IL17REL: variants seen among roughly 807,000 people sequenced by gnomAD.
IL17REL encodes interleukin 17 receptor E like.
A neutral mutation model predicts 49.0 loss-of-function variants in IL17REL; 36 were observed. The observed-to-expected ratio is 0.73, with a 90% confidence interval of 0.56 to 0.97. The LOEUF is 0.97. IL17REL is among the 50% of genes least tolerant of loss of function. IL17REL has a pLI of 0.00. For missense variants in IL17REL, 470 were observed against 453.9 expected (o/e 1.04, Z -0.32); for synonymous variants, 206 against 192.4 (o/e 1.07, Z -0.58).
chr22:50,010,181 C>T (rs982347996), upstream of IL17REL, among the ~76,000 whole-genome samples: 2 of 152,246 alleles, frequency 1.3e-5, no homozygotes, highest in Non-Finnish European at 2.9e-5. Flanking sequence ...CGAAACCCGC[C>T]GCCCGTGGGC....
intron 1 of IL17REL, among the ~76,000 whole-genome samples, chr22:50,007,432 G>A (rs2061115982): frequency 6.6e-6 from 1 of 152,140 alleles, no homozygotes; most frequent in South Asian, 2.1e-4. Flanking sequence ...GTGCAATGGT[G>A]CAATCTTGGC....
At position 49,996,777 on chromosome 22, in the gene IL17REL, G is replaced by T. The variant is rs1049202701; in HGVS notation, c.*128C>A. 3 of 493,740 alleles carry T rather than the reference G, an allele frequency of 6.1e-6. No individual in the cohort carries two copies. In the South Asian group the frequency reaches 9.3e-5, roughly 15 times the overall value. The allele number at this position is 493,740 out of a possible 1,614,324, so 30.6% of individuals were successfully genotyped here. A position where few individuals can be genotyped will look rare whatever the true frequency, so the allele number is the denominator to read the frequency against. On this transcript the variant is annotated 3_prime_UTR_variant, in exon 13 of 13. Coordinates refer to ENST00000341280, the Ensembl canonical transcript of IL17REL. ...GCCTAGGTCTAGTCCTCGGCCTCCT[G>T]CGGCCCCTGAGAGATGGGCACCCAC...
At chr22:50,008,437 G>C (rs570220157) in intron 1 of IL17REL, among the ~76,000 whole-genome samples, 200 bp downstream of exon 2, 2 of 152,312 alleles carry the variant, frequency 1.3e-5, no homozygotes, top group South Asian at 4.1e-4. Context: ...CTGGCCAGGA[G>C]CCAGGGTGGC....
downstream of IL17REL, among the ~76,000 whole-genome samples, chr22:49,994,252 G>GTA (rs1039687643): frequency 6.6e-6 from 1 of 152,082 alleles, no homozygotes; most frequent in Non-Finnish European, 1.5e-5. Context: ...CATCCCCAGG[G>GTA]TGTCTCCACC....
chr22:49,992,248 C>A (rs1276291846), downstream of IL17REL, among the ~76,000 whole-genome samples: 2 of 152,144 alleles, frequency 1.3e-5, no homozygotes, highest in East Asian at 3.9e-4. Context: ...TGCCAGGACA[C>A]CCCGAAGGCC....
rs1272435035 is a variant in IL17REL, at chr22:49,997,205, A to G, written c.974+115T>C. 2.9e-6 allele frequency: 4 copies of G among 1,389,416 alleles called. No individual in the cohort carries two copies. The East Asian group carries it at 9.9e-5, about 34-fold the overall frequency. 86.1% of individuals were successfully genotyped at this position (1,389,416 alleles called of 1,614,324 possible). ...CCCATCCCTCCCTGCCAGGTAGACT[A>G]GACCCTGGGTGGGCTCAGGGCCCGG... On this transcript the variant is annotated intron_variant, in intron 11 of 12. Transcript: ENST00000341280.
At position 50,001,156 on chromosome 22, in the gene IL17REL, G is replaced by A. The variant is rs140751420; in HGVS notation, c.35C>T (p.Ser12Phe). The change falls in exon 2 of 13, where the codon TCC (serine) becomes TTC (phenylalanine). Residue 12 changes from serine to phenylalanine, a missense_variant. Ser to Phe is a radical substitution (Grantham distance 155). Transcript: ENST00000341280. ...AGAGGGGACACACTGCATGGCAGTG[G>A]AGGACGTCAGGGCCTCCAGGACTGA... 1.4e-5 allele frequency: 22 copies of A among 1,606,474 alleles called. No homozygotes were observed. In the African/African-American group the frequency reaches 2.9e-4, roughly 21 times the overall value.
At chr22:50,002,997 C>T (rs2146751926) in intron 1 of IL17REL, among the ~76,000 whole-genome samples, 2 of 152,318 alleles carry the variant, frequency 1.3e-5, no homozygotes, top group East Asian at 3.9e-4. Context: ...GCGCCACTGT[C>T]TGGGGAGTGT....
upstream of IL17REL, among the ~76,000 whole-genome samples, chr22:50,011,612 G>A (rs746856068): frequency 6.6e-6 from 1 of 151,776 alleles, no homozygotes; most frequent in African/African-American, 2.4e-5. Flanking sequence ...CTCCACTGCA[G>A]GGTGGCATCC....
At chr22:50,012,657 A>G (rs1201232762), upstream of IL17REL, 1 of 152,312 alleles carries the variant, frequency 6.6e-6, no homozygotes, top group Non-Finnish European at 1.5e-5. Context: ...CTGGCTGTGC[A>G]GTGAGAGCTC....
chr22:50,000,050 G>C, intron 4 of IL17REL, 83 bp from the exon 7 acceptor site: 1 of 1,358,278 alleles, frequency 7.4e-7, no homozygotes, highest in Non-Finnish European at 9.6e-7. Context: ...GCCCCGACGT[G>C]GTGGCTCCTG....
At chr22:49,995,250 G>C (rs891337149) in exon 13 of IL17REL, 1 of 152,586 alleles carries the variant, frequency 6.6e-6, no homozygotes, top group African/African-American at 2.4e-5. Context: ...TTCAGGGCCA[G>C]GGACAGTGGC....
At chr22:49,998,658 CATGGGT>C (rs2061052808) in intron 7 of IL17REL, among the ~76,000 whole-genome samples, 1 of 139,616 alleles carries the variant, frequency 7.2e-6, no homozygotes, top group Non-Finnish European at 1.5e-5. Context: ...GCATGGGTGT[CATGGGT>C]ATGGGTGTGC....
At chr22:50,005,018 C>T (rs2061101495) in intron 1 of IL17REL, among the ~76,000 whole-genome samples, 1 of 144,236 alleles carries the variant, frequency 6.9e-6, no homozygotes, top group African/African-American at 2.6e-5. Flanking sequence ...GAGAAGGACT[C>T]ACGGTGAGCA....
chr22:50,004,430 G>C (rs1435805390), intron 1 of IL17REL, among the ~76,000 whole-genome samples: 1 of 152,178 alleles, frequency 6.6e-6, no homozygotes, highest in East Asian at 1.9e-4. Flanking sequence ...AAGCCAGGCT[G>C]TGCTAGGGAG....
intron 1 of IL17REL, among the ~76,000 whole-genome samples, chr22:50,007,484 C>T (rs891556143): frequency 3.3e-5 from 5 of 152,236 alleles, no homozygotes; most frequent in Admixed American, 2.0e-4. Flanking sequence ...GATTCTCTTG[C>T]CTCAGCCTCC....
rs1569208309 is a variant in IL17REL at position 49,998,132 on chromosome 22, C to G, written c.774+5G>C. ...CACCCCCATCCCTGCTGAGCAGGCA[C>G]TCACTCTGCGATGCACCAGCTGGCT... On this transcript the variant is annotated splice_donor_5th_base_variant and intron_variant, in intron 8 of 12. Transcript: ENST00000341280. The G allele has an allele frequency of 1.2e-6, 2 of 1,602,128 alleles. No homozygotes were observed. The highest frequency in any genetic ancestry group is 1.7e-6 in the Non-Finnish European group (2 of 1,174,622).
upstream of IL17REL, among the ~76,000 whole-genome samples, chr22:50,011,800 G>C (rs141326433): frequency 6.6e-6 from 1 of 152,162 alleles, no homozygotes; most frequent in African/African-American, 2.4e-5. Flanking sequence ...TGCTGGACCC[G>C]TCTCAGGCCC....
In IL17REL at chr22:50,001,929, C is replaced by A. The variant is rs1422926543; in HGVS notation, c.-41-698G>T. ...CATGGCCACCGAGGCGTGGGACCCA[C>A]ATGCTGTTGGTGAGACAGTGCGGCT... On this transcript the variant is annotated intron_variant, in intron 1 of 12. Coordinates refer to ENST00000341280, the Ensembl canonical transcript of IL17REL. Among the ~76,000 whole-genome samples, 4 of 152,260 alleles carry A rather than the reference C, an allele frequency of 2.6e-5. No homozygotes were observed. The East Asian group carries it at 7.7e-4, about 29-fold the overall frequency.
Sources: gnomAD v4.1 joint callset for allele counts (sites outside exome capture counted in the v4.1 genomes callset) on GRCh38, gnomAD v4.1.1 for gene constraint, MANE v1.5 for transcripts, NCBI Gene and HGNC (gene_info 2026-07-23, HGNC 2026-07-21) for gene names.